RAPGEF2: variants seen among roughly 807,000 people sequenced by gnomAD.
RAPGEF2 encodes Rap guanine nucleotide exchange factor 2.
In RAPGEF2, 54 loss-of-function variants were observed where a neutral mutation model predicts 186.7. The observed-to-expected ratio is 0.29, with a 90% CI of 0.23 to 0.36. RAPGEF2 has a LOEUF of 0.36. Among genes scored for constraint, RAPGEF2 ranks in the 10% least tolerant of loss-of-function variants. RAPGEF2 has a pLI of 1.00. For synonymous variants in RAPGEF2, 712 were observed against 705.9 expected (o/e 1.01, Z -0.14); for missense variants, 1,532 against 2,045.0 (o/e 0.75, Z 4.84).
intron 1 of RAPGEF2, among the ~76,000 whole-genome samples, chr4:159,164,450 GATA>G (rs1745084233): frequency 6.6e-6 from 1 of 152,080 alleles, no homozygotes; most frequent in African/African-American, 2.4e-5. Flanking sequence ...TACTGTAGCA[GATA>G]ATAATAACCT....
In RAPGEF2 at chr4:159,353,557, G is replaced by C. The variant is rs1580072120; in HGVS notation, c.4162G>C (p.Glu1388Gln). The change falls in exon 28 of 30, where the codon GAG becomes CAG. Residue 1388 changes from glutamate (E) to glutamine (Q), a missense_variant. By Grantham distance (29) the Glu-to-Gln change is conservative (BLOSUM62 2). Around this residue, in one of 4 missense-constraint regions of RAPGEF2, gnomAD observed 594 missense variants for 608.5 expected, o/e 0.98. Coordinates refer to ENST00000691494, the MANE Select transcript of RAPGEF2 (RefSeq NM_001394067.2). This position sits in a 1 kb window ranked among gnomAD's most constrained non-coding sequence, Gnocchi z 4.3. ...TACAGTAATTTCTTCTCCAAGCACA[G>C]AGGAACTTTCCCAGGATCAGGGGGA... ...TATVISSPST[E>Q]ELSQDQGDRA... 6.4e-7 allele frequency: 1 copy of C among 1,563,802 alleles called. No homozygotes were observed. Among genetic ancestry groups the C allele is most frequent in the Admixed American group, 2.0e-5 (1 of 50,716 alleles).
chr4:159,239,493 C>T (rs1218232106), intron 5 of RAPGEF2, among the ~76,000 whole-genome samples: 6 of 152,022 alleles, frequency 3.9e-5, no homozygotes, highest in Non-Finnish European at 8.8e-5. Context: ...TGGTTAAACA[C>T]TCTGTTGACA....
chr4:159,193,534 A>G (rs1490191195), intron 3 of RAPGEF2, among the ~76,000 whole-genome samples: 1 of 152,214 alleles, frequency 6.6e-6, no homozygotes, highest in Non-Finnish European at 1.5e-5. Flanking sequence ...TTATGAAATA[A>G]GAAATAATAT....
intron 1 of RAPGEF2, among the ~76,000 whole-genome samples, chr4:159,169,602 T>C (rs905950147): frequency 2.1e-5 from 3 of 141,324 alleles, no homozygotes; most frequent in Admixed American, 7.0e-5. Context: ...CCCCAGCCCC[T>C]TGTGACCACT....
intron 1 of RAPGEF2, among the ~76,000 whole-genome samples, chr4:159,119,150 A>G (rs564194139): frequency 6.6e-6 from 1 of 152,228 alleles, no homozygotes; most frequent in Admixed American, 6.5e-5. Context: ...TTTTTTTTAT[A>G]TACAAGAAAA....
At chr4:159,156,071 C>T (rs549401938) in intron 1 of RAPGEF2, among the ~76,000 whole-genome samples, 26 of 152,248 alleles carry the variant, frequency 1.7e-4, no homozygotes, top group African/African-American at 4.8e-4. Flanking sequence ...TTCTGTAGGT[C>T]AGGGAACTAA....
chr4:159,322,553 C>T (rs1561278092), intron 10 of RAPGEF2, 70 bp downstream of exon 10: 1 of 1,358,582 alleles, frequency 7.4e-7, no homozygotes. Context: ...TTGAACAAAA[C>T]CCCAATTCTT....
At chr4:159,261,591 T>C (rs1756886889) in intron 7 of RAPGEF2, among the ~76,000 whole-genome samples, 1 of 152,238 alleles carries the variant, frequency 6.6e-6, no homozygotes, top group Admixed American at 6.5e-5. Context: ...TTTAATCCTC[T>C]TCTTCTGTAT....
At chr4:159,295,770 C>T (rs1264151398) in intron 7 of RAPGEF2, among the ~76,000 whole-genome samples, 4 of 148,876 alleles carry the variant, frequency 2.7e-5, no homozygotes, top group African/African-American at 5.1e-5. Flanking sequence ...CGCGCGCGCG[C>T]GCGCATGCAC....
chr4:159,351,207 G>A, intron 26 of RAPGEF2: 1 of 1,527,780 alleles, frequency 6.5e-7, no homozygotes, highest in South Asian at 1.2e-5. Flanking sequence ...CCAAAAATGG[G>A]GTGGGAAAGA....
intron 7 of RAPGEF2, among the ~76,000 whole-genome samples, chr4:159,252,329 C>A (rs1755553242): frequency 6.6e-6 from 1 of 152,124 alleles, no homozygotes; most frequent in Non-Finnish European, 1.5e-5. Flanking sequence ...GGATTATAGG[C>A]GCCTGGCCCT....
chr4:159,171,596 A>G (rs1745910202), intron 1 of RAPGEF2, among the ~76,000 whole-genome samples: 1 of 151,924 alleles, frequency 6.6e-6, no homozygotes, highest in South Asian at 2.1e-4. Context: ...TTCCTACATC[A>G]TTTTGCAAAT....
chr4:159,104,518 G>GAGAC (rs1400973723), intron 1 of RAPGEF2, among the ~76,000 whole-genome samples: 3 of 130,194 alleles, frequency 2.3e-5, no homozygotes, highest in Middle Eastern at 3.4e-3. Flanking sequence ...GAGAGAGAGA[G>GAGAC]AGAGAGAGGG....
In RAPGEF2 at chr4:159,307,251, T is replaced by G. The variant is rs78374798; in HGVS notation, c.675+2778T>G. 1.4e-3 allele frequency among the ~76,000 whole-genome samples: 212 copies of G among 152,302 alleles called. 2 individuals are homozygous for G. In the East Asian group the frequency reaches 0.039, roughly 28 times the overall value. On this transcript the variant is annotated intron_variant, in intron 8 of 29. Transcript: ENST00000691494. ...GTGCTGTTTTTATTTTTTTAATTAT[T>G]GAAAGTTAGTGAACAATTAAGAATA...
At chr4:159,295,567 A>G (rs928512331) in intron 7 of RAPGEF2, among the ~76,000 whole-genome samples, 2 of 152,180 alleles carry the variant, frequency 1.3e-5, no homozygotes, top group Non-Finnish European at 2.9e-5. Flanking sequence ...AAACAGTTCG[A>G]TTGTACCATT....
At chr4:159,131,519 A>ATTGTTTTTTTTTTTTTTTTTTTT in intron 1 of RAPGEF2, among the ~76,000 whole-genome samples, 3 of 37,212 alleles carry the variant, frequency 8.1e-5, no homozygotes, top group Non-Finnish European at 1.5e-4. Context: ...ATTAATTGCT[A>ATTGTTTTTTTTTTTTTTTTTTTT]TTTTTTTTTT....
intron 5 of RAPGEF2, chr4:159,240,888 C>T (rs999964733): frequency 8.2e-5 from 21 of 254,986 alleles, no homozygotes; most frequent in African/African-American, 3.8e-4. Context: ...GTAATGTATC[C>T]TGTGAGATCT....
chr4:159,159,796 A>G (rs1292861482), intron 1 of RAPGEF2, among the ~76,000 whole-genome samples: 1 of 152,204 alleles, frequency 6.6e-6, no homozygotes, highest in African/African-American at 2.4e-5. Flanking sequence ...AGTGTTCTCA[A>G]CTCGTATAGC....
At chr4:159,336,194 G>A (rs867911729) in intron 17 of RAPGEF2, among the ~76,000 whole-genome samples, 1 of 151,282 alleles carries the variant, frequency 6.6e-6, no homozygotes, top group Admixed American at 6.6e-5. Context: ...TAGCTTTTGG[G>A]GTACACGTGG....
Sources: gnomAD v4.1 joint callset for allele counts (sites outside exome capture counted in the v4.1 genomes callset) on GRCh38, gnomAD v4.1.1 for gene constraint, gnomAD v4.1.1 regional missense constraint, Gnocchi (gnomAD v3.1) non-coding constraint, MANE v1.5 for transcripts, NCBI Gene and HGNC (gene_info 2026-07-23, HGNC 2026-07-21) for gene names.